The following REXO5 variants were observed in gnomAD, a reference collection of about 807,000 sequenced individuals.
REXO5 encodes exonuclease NEF-sp.
Under a neutral mutation model 88.5 loss-of-function variants are expected in REXO5, and 48 were observed. The ratio of observed to expected loss-of-function variants is 0.54; its 90% CI spans 0.43 to 0.69. REXO5 has a LOEUF of 0.69. Among genes scored for constraint, REXO5 ranks in the 30% least tolerant of loss-of-function variants. The pLI, the probability that REXO5 is intolerant of heterozygous loss-of-function variation, is 0.00. For missense variants in REXO5, 749 were observed against 912.2 expected (o/e 0.82, Z 2.30); for synonymous variants, 311 against 336.5 (o/e 0.92, Z 0.83).
intron 2 of REXO5, among the ~76,000 whole-genome samples, chr16:20,811,871 C>T (rs961207054): frequency 6.6e-6 from 1 of 152,156 alleles, no homozygotes; most frequent in African/African-American, 2.4e-5. Flanking sequence ...TTTCATTGGT[C>T]CTCCCAATTA....
At position 20,834,262 on chromosome 16, in the gene REXO5, T is replaced by C. The variant is rs528526226; in HGVS notation, c.1383+1139T>C. Among the ~76,000 whole-genome samples, 7 of 152,344 alleles carry C rather than the reference T, an allele frequency of 4.6e-5. No homozygotes were observed. The South Asian group carries it at 1.5e-3, about 32-fold the overall frequency. ...TCACCTGGTCAAGGTGTTGTCTGCT[T>C]TCTCTATTGCAGAGTTCTTGTTTTT... is the stretch of plus-strand genomic sequence containing the variant. On this transcript the variant is annotated intron_variant, in intron 13 of 19. Coordinates refer to ENST00000261377, the MANE Select transcript of REXO5 (RefSeq NM_030941.3).
intron 14 of REXO5, 28 bp from the exon 15 acceptor site, chr16:20,840,303 A>T: frequency 1.3e-6 from 2 of 1,491,204 alleles, no homozygotes; most frequent in Non-Finnish European, 1.8e-6. Context: ...ATTCATTCCC[A>T]TACTATATTC....
chr16:20,815,005 T>C lies in REXO5; in HGVS notation c.330T>C (p.Phe110=). Residue 110 remains phenylalanine, a synonymous_variant, in exon 4 of 20, where the codon TTT becomes TTC. Transcript: ENST00000261377. The stretch of plus-strand genomic sequence containing the variant: ...TGCAGGGAATGAGTCAGCTACACTT[T>C]TACAGGTTCTATTTGGAGTTTGGAT... ...FVLQGMSQLH[F]YRFYLEFGCL... 3.7e-6 allele frequency: 6 copies of C among 1,613,846 alleles called. No homozygotes were observed. The highest frequency in any genetic ancestry group is 1.7e-6 in the Non-Finnish European group (2 of 1,179,954).
At position 20,806,709 on chromosome 16, in the gene REXO5, A is replaced by G. The variant is rs2080883040; in HGVS notation, c.-3+4A>G. ...TTGGGGAACCGTTGAGAATCCGGTA[A>G]CCGATGCGGACGGTAAAGCCGTTTG... is the stretch of plus-strand genomic sequence containing the variant. On this transcript the variant is annotated splice_donor_region_variant and intron_variant, in intron 1 of 19. Coordinates refer to ENST00000261377, the MANE Select transcript of REXO5 (RefSeq NM_030941.3). The G allele has an allele frequency of 2.0e-6, 2 of 986,590 alleles. No homozygotes were observed. The highest frequency in any genetic ancestry group is 3.5e-5 in the South Asian group (2 of 57,346). The allele number at this position is 986,590 out of a possible 1,614,324, so 61.1% of individuals were successfully genotyped here.
chr16:20,812,226 G>A (rs2152499877), intron 2 of REXO5, among the ~76,000 whole-genome samples: 1 of 152,144 alleles, frequency 6.6e-6, no homozygotes. Flanking sequence ...TATAGGCTGG[G>A]CGTGGTGACT....
chr16:20,824,648 A>G lies in REXO5; in HGVS notation c.705+121A>G, dbSNP rs530916131. Reference sequence around the variant, plus strand: ...TTCATTTTTAGTATTCTGTTTTAATAGCTGAAAGTAGGTCCTTTTACTCAC... The same window carrying G: ...TTCATTTTTAGTATTCTGTTTTAATGGCTGAAAGTAGGTCCTTTTACTCAC... On this transcript the variant is annotated intron_variant, in intron 7 of 19. Transcript: ENST00000261377. The G allele has an allele frequency of 3.2e-4, 216 of 675,548 alleles. 1 individual carries two copies. In the South Asian group the frequency reaches 3.6e-3, roughly 11 times the overall value. The allele number at this position is 675,548 out of a possible 1,614,324, so 41.8% of individuals were successfully genotyped here. A position where few individuals can be genotyped will look rare whatever the true frequency, so the allele number is the denominator to read the frequency against.
chr16:20,820,511 TTTATATATA>T (rs1173585926), intron 5 of REXO5, among the ~76,000 whole-genome samples: 14 of 25,952 alleles, frequency 5.4e-4, no homozygotes, highest in Non-Finnish European at 9.7e-4. Flanking sequence ...GTTCTCTCTC[TTTATATATA>T]TATATATATA....
chr16:20,815,847 GA>G (rs2081073871), intron 4 of REXO5, among the ~76,000 whole-genome samples: 1 of 152,152 alleles, frequency 6.6e-6, no homozygotes, highest in South Asian at 2.1e-4. Flanking sequence ...GAAGAACTTT[GA>G]AAATACAAAG....
chr16:20,814,945 T>G lies in REXO5; in HGVS notation c.270T>G (p.His90Gln). The G allele has an allele frequency of 6.2e-7, 1 of 1,613,006 alleles. No individual in the cohort carries two copies. The highest frequency in any genetic ancestry group is 8.5e-7 in the Non-Finnish European group (1 of 1,179,650). ...TTGGCAGCTGGTGCCAGCTTTTTCA[T>G]CAAAACCACCTAAACAACGTAGTGG... Reference protein sequence around the residue: ...VPKPSWCQLFHQNHLNNVVVF... With the variant: ...VPKPSWCQLFQQNHLNNVVVF... Residue 90 changes from histidine to glutamine, a missense_variant, in exon 4 of 20, where the codon CAT becomes CAG. Coordinates refer to ENST00000261377, the MANE Select transcript of REXO5 (RefSeq NM_030941.3).
intron 5 of REXO5, among the ~76,000 whole-genome samples, chr16:20,819,957 C>T (rs1297591213): frequency 2.0e-5 from 3 of 152,070 alleles, no homozygotes; most frequent in East Asian, 1.9e-4. Context: ...GGTCTTGCTC[C>T]GTTGCCTAGG....
chr16:20,815,233 C>T (rs2081063337), intron 4 of REXO5, among the ~76,000 whole-genome samples, 180 bp downstream of exon 4: 1 of 152,182 alleles, frequency 6.6e-6, no homozygotes, highest in South Asian at 2.1e-4. Context: ...GAAATCTAGG[C>T]AAACTCTTAT....
chr16:20,812,723 A>G (rs1241099657), intron 2 of REXO5, among the ~76,000 whole-genome samples: 1 of 152,054 alleles, frequency 6.6e-6, no homozygotes, highest in Non-Finnish European at 1.5e-5. Context: ...ACCATACTAC[A>G]TGTTGAATGC....
chr16:20,806,574 C>T lies in REXO5; in HGVS notation c.-134C>T, dbSNP rs941063884. 1.8e-5 allele frequency: 26 copies of T among 1,466,054 alleles called. No homozygotes were observed. In the East Asian group the frequency reaches 3.1e-4, roughly 17 times the overall value. The allele number at this position is 1,466,054 out of a possible 1,614,324, so 90.8% of individuals were successfully genotyped here. ...GAGGGGAGAACCTCTGCTCCCCGCC[C>T]GTCTTCTCTTCTGCGTTTCCCGGGC... On this transcript the variant is annotated 5_prime_UTR_variant, in exon 1 of 20. Coordinates refer to ENST00000261377, the MANE Select transcript of REXO5 (RefSeq NM_030941.3).
chr16:20,839,357 T>A (rs2081489242), intron 13 of REXO5, among the ~76,000 whole-genome samples: 1 of 151,912 alleles, frequency 6.6e-6, no homozygotes, highest in Non-Finnish European at 1.5e-5. Flanking sequence ...CATCTAATTC[T>A]TCCATGCCCC....
chr16:20,828,389 T>C (rs1432081040), intron 10 of REXO5, 46 bp from the exon 11 acceptor site: 1 of 1,125,790 alleles, frequency 8.9e-7, no homozygotes, highest in African/African-American at 1.5e-5. Context: ...AAAAAGCCTA[T>C]CATTAAAAGT....
rs181418508 is a variant in REXO5 at position 20,830,711 on chromosome 16, G to A, written c.1159-1445G>A. Among the ~76,000 whole-genome samples, 763 of 152,158 alleles carry A rather than the reference G, an allele frequency of 5.0e-3. 3 individuals are homozygous for A. The highest frequency in any genetic ancestry group is 8.7e-3 in the Non-Finnish European group (594 of 67,994). On this transcript the variant is annotated intron_variant, in intron 11 of 19. Transcript: ENST00000261377. The stretch of plus-strand genomic sequence containing the variant: ...CTCCCTAGGTGAGATTTTTAGTATG[G>A]TAATGCAGAGAGTTTGCCAAGTTCA...
At chr16:20,816,051 C>T in intron 4 of REXO5, 65 bp from the exon 5 acceptor site, 2 of 1,299,280 alleles carry the variant, frequency 1.5e-6, no homozygotes, top group South Asian at 1.2e-5. Flanking sequence ...AATAAAAGTC[C>T]AGGCCTTTCA....
At position 20,824,450 on chromosome 16, in the gene REXO5, T is replaced by G. The variant is rs2081231077; in HGVS notation, c.628T>G (p.Cys210Gly). 1 of 1,599,090 alleles carries G rather than the reference T, an allele frequency of 6.3e-7. No homozygotes were observed. The highest frequency in any genetic ancestry group is 1.1e-5 in the South Asian group (1 of 90,688). Residue 210 changes from cysteine to glycine, a missense_variant, in exon 7 of 20, where the codon TGT becomes GGT. By Grantham distance (159) the Cys-to-Gly change is radical (BLOSUM62 -3). Coordinates refer to ENST00000261377, the MANE Select transcript of REXO5 (RefSeq NM_030941.3). ...FHFPLQGFPD[C>G]ENFLLTKCNG... is the part of the protein sequence containing the mutation. Reference sequence around the variant, plus strand: ...CCTTTTTCTCCTAGGTTTTCCTGATTGTGAAAACTTTTTACTTACCAAATG... The same window carrying G: ...CCTTTTTCTCCTAGGTTTTCCTGATGGTGAAAACTTTTTACTTACCAAATG...
intron 13 of REXO5, among the ~76,000 whole-genome samples, chr16:20,834,894 TC>T (rs1421145128): frequency 6.6e-6 from 1 of 152,202 alleles, no homozygotes; most frequent in Non-Finnish European, 1.5e-5. Context: ...TATTTTAACA[TC>T]CTTCTCTATT....
Sources: gnomAD v4.1 joint callset for allele counts (sites outside exome capture counted in the v4.1 genomes callset) on GRCh38, gnomAD v4.1.1 for gene constraint, MANE v1.5 for transcripts, NCBI Gene and HGNC (gene_info 2026-07-23, HGNC 2026-07-21) for gene names.